CAMTA1: variants seen among roughly 807,000 people sequenced by gnomAD.
The protein encoded by CAMTA1 is calmodulin-binding transcription activator 1.
Under a neutral mutation model 170.9 loss-of-function variants are expected in CAMTA1, and 27 were observed. The ratio of observed to expected loss-of-function variants is 0.16; its 90% CI spans 0.12 to 0.22. The LOEUF is 0.22. CAMTA1 is among the 10% of genes least tolerant of loss of function. CAMTA1 has a pLI of 1.00. For missense variants in CAMTA1, 1,619 were observed against 2,217.2 expected (o/e 0.73, Z 5.42); for synonymous variants, 833 against 891.5 (o/e 0.93, Z 1.17).
chr1:7,620,801 A>T (rs1172165447), intron 6 of CAMTA1, among the ~76,000 whole-genome samples: 1 of 152,188 alleles, frequency 6.6e-6, no homozygotes, highest in Non-Finnish European at 1.5e-5. Context: ...CGGGGCTGAG[A>T]TCAGCTGGTT....
chr1:7,678,372 A>G (rs946349487), intron 11 of CAMTA1, among the ~76,000 whole-genome samples: 4 of 152,188 alleles, frequency 2.6e-5, no homozygotes, highest in African/African-American at 9.7e-5. Flanking sequence ...CGACTGTGGC[A>G]GAGGGTAGAG....
intron 4 of CAMTA1, among the ~76,000 whole-genome samples, chr1:7,193,728 G>T (rs532009456): frequency 1.3e-5 from 2 of 152,264 alleles, no homozygotes; most frequent in East Asian, 1.9e-4. Context: ...TTTTCTGAGG[G>T]ATAGAATGTG....
chr1:6,862,908 A>T (rs1448272042), intron 3 of CAMTA1, among the ~76,000 whole-genome samples: 1 of 152,196 alleles, frequency 6.6e-6, no homozygotes, highest in Non-Finnish European at 1.5e-5. Flanking sequence ...CTCATCTTTT[A>T]CCCAAAAAAG....
At position 7,056,721 on chromosome 1, in the gene CAMTA1, T is replaced by C. The variant is rs185023756; in HGVS notation, c.235-34583T>C. Among the ~76,000 whole-genome samples the C allele has an allele frequency of 2.4e-3, 365 of 151,062 alleles. 1 individual carries two copies. The highest frequency in any genetic ancestry group is 8.6e-3 in the African/African-American group (352 of 41,130). On this transcript the variant is annotated intron_variant, in intron 3 of 22. Coordinates refer to ENST00000303635, the MANE Select transcript of CAMTA1 (RefSeq NM_015215.4). ...CCCACCCTTGGAAAGGAGAGATGAG[T>C]TGGTGGTGGGGGGTGGGTGCCAGGA...
At chr1:7,742,175 T>C (rs545965181) in intron 16 of CAMTA1, among the ~76,000 whole-genome samples, 1 of 151,882 alleles carries the variant, frequency 6.6e-6, no homozygotes, top group South Asian at 2.1e-4. Flanking sequence ...ATGACAGTTA[T>C]AAACTATTGT....
chr1:7,368,755 G>C (rs188250674), intron 5 of CAMTA1, among the ~76,000 whole-genome samples: 31 of 152,302 alleles, frequency 2.0e-4, no homozygotes, highest in Admixed American at 9.2e-4. Flanking sequence ...GGCTCGCTGT[G>C]GTGTTCCGCA....
rs146855517 is a variant in CAMTA1, at chr1:7,486,571, C to T, written c.510+18670C>T. ...GGAGACTTCCAAGGCTGACGGGGGC[C>T]TGCTTTAGGCCTCTGAGACCTGACT... On this transcript the variant is annotated intron_variant, in intron 6 of 22. Coordinates refer to ENST00000303635, the MANE Select transcript of CAMTA1 (RefSeq NM_015215.4). Among the ~76,000 whole-genome samples, 1,194 of 152,300 alleles carry T rather than the reference C, an allele frequency of 7.8e-3. 19 individuals carry two copies. Among genetic ancestry groups the T allele is most frequent in the African/African-American group, 0.026 (1,089 of 41,558 alleles).
Position 7,561,382 on chromosome 1 carries a change from C to T in CAMTA1, c.511-79018C>T, listed in dbSNP as rs1166393051. Among the ~76,000 whole-genome samples, 24 of 151,804 alleles carry T rather than the reference C, an allele frequency of 1.6e-4. No individual in the cohort carries two copies. Among genetic ancestry groups the T allele is most frequent in the Admixed American group, 1.6e-3 (24 of 15,274 alleles). The stretch of plus-strand genomic sequence containing the variant: ...GGCAGAGAGGCCGGCGGGCAGCAGG[C>T]CAATGGGCCAGGCAGGTGGGGCAGG... On this transcript the variant is annotated intron_variant, in intron 6 of 22. Coordinates refer to ENST00000303635, the MANE Select transcript of CAMTA1 (RefSeq NM_015215.4). The surrounding 1 kb of genome is among the most constrained non-coding windows in gnomAD (Gnocchi z 5.3).
chr1:7,006,282 G>A (rs1366924966), intron 3 of CAMTA1, among the ~76,000 whole-genome samples: 3 of 152,150 alleles, frequency 2.0e-5, no homozygotes, highest in Admixed American at 2.0e-4. Flanking sequence ...TAAGAATAGA[G>A]TTTACTTTTC....
rs76980367 is a variant in CAMTA1, at chr1:7,738,425, G to A, written c.4125G>A (p.Gly1375=). ...GAGAGGTGGTGAATACAGAGCTGGG[G>A]TCCTACCGTGATAGTGCAGAAAATG... ...ANREVVNTEL[G]SYRDSAENEE... Residue 1375 remains glycine (G), a synonymous_variant, in exon 16 of 23, where the codon GGG becomes GGA. Coordinates refer to ENST00000303635, the MANE Select transcript of CAMTA1 (RefSeq NM_015215.4). This position sits in a 1 kb window ranked among gnomAD's most constrained non-coding sequence, Gnocchi z 4.9. 8,358 of 1,614,160 alleles carry A rather than the reference G, an allele frequency of 5.2e-3. 51 individuals are homozygous for A. The highest frequency in any genetic ancestry group is 0.024 in the Admixed American group (1,436 of 60,018).
intron 3 of CAMTA1, among the ~76,000 whole-genome samples, chr1:6,909,569 CAG>C (rs1289147124): frequency 6.6e-6 from 1 of 152,194 alleles, no homozygotes; most frequent in Non-Finnish European, 1.5e-5. Flanking sequence ...CTGTGCCTCA[CAG>C]GGGTTTGGCT....
At chr1:7,717,133 GGAGAT>G (rs368490112) in intron 11 of CAMTA1, among the ~76,000 whole-genome samples, 2 of 152,202 alleles carry the variant, frequency 1.3e-5, no homozygotes, top group East Asian at 3.9e-4. Flanking sequence ...GGGACGTCGG[GGAGAT>G]GTTTGTCAGA....
At chr1:7,009,965 G>C (rs974251783) in intron 3 of CAMTA1, among the ~76,000 whole-genome samples, 2 of 152,228 alleles carry the variant, frequency 1.3e-5, no homozygotes, top group African/African-American at 4.8e-5. Flanking sequence ...AGGGATTGGA[G>C]CACCATCCCT....
At chr1:6,818,295 C>T (rs1042076834) in intron 1 of CAMTA1, among the ~76,000 whole-genome samples, 16 of 152,218 alleles carry the variant, frequency 1.1e-4, no homozygotes, top group African/African-American at 3.9e-4. Context: ...TGAGATCCCA[C>T]CACTACACTC....
chr1:6,852,012 CAA>C (rs71280861), intron 3 of CAMTA1, among the ~76,000 whole-genome samples: 46 of 90,584 alleles, frequency 5.1e-4, no homozygotes, highest in African/African-American at 1.2e-3. Context: ...ACTCTATCTC[CAA>C]AAAAAAAAAA....
At chr1:7,051,614 T>C (rs2101609266) in intron 3 of CAMTA1, among the ~76,000 whole-genome samples, 1 of 151,990 alleles carries the variant, frequency 6.6e-6, no homozygotes, top group South Asian at 2.1e-4. Context: ...ACTTGGGGGC[T>C]CAGTTGCTGT....
chr1:7,392,799 G>A (rs1184388493), intron 5 of CAMTA1, among the ~76,000 whole-genome samples: 3 of 151,792 alleles, frequency 2.0e-5, no homozygotes, highest in East Asian at 3.9e-4. Context: ...GCTTGAACCC[G>A]GAAGGCAGAG....
intron 5 of CAMTA1, among the ~76,000 whole-genome samples, chr1:7,301,346 T>C (rs1285506626): frequency 6.6e-6 from 1 of 152,248 alleles, no homozygotes; most frequent in African/African-American, 2.4e-5. Context: ...GGTGATAGTT[T>C]GGAAAAATAC....
chr1:7,399,010 A>G (rs2089673558), intron 5 of CAMTA1, among the ~76,000 whole-genome samples: 1 of 152,128 alleles, frequency 6.6e-6, no homozygotes, highest in South Asian at 2.1e-4. Context: ...ATTTTAGCAT[A>G]GTTATTGTTG....
Sources: allele counts gnomAD v4.1 joint callset (sites outside exome capture counted in the v4.1 genomes callset), GRCh38; gene constraint gnomAD v4.1.1; non-coding constraint Gnocchi (gnomAD v3.1); transcripts MANE v1.5; gene names NCBI Gene and HGNC (gene_info 2026-07-23, HGNC 2026-07-21).